The following DPP6 variants were observed in gnomAD, a reference collection of about 807,000 sequenced individuals.
DPP6 encodes the protein dipeptidyl peptidase like 6, also known as A-type potassium channel modulatory protein DPP6.
DPP6 carries 69 observed loss-of-function variants against 122.6 expected under a neutral mutation model. That is an observed-to-expected ratio of 0.56 (90% CI 0.46 to 0.69). The LOEUF is 0.69. DPP6 is among the 30% of genes least tolerant of loss of function. The probability of loss-of-function intolerance (pLI) is 0.00; values close to 1 mark genes in which losing one functional copy is unlikely to be tolerated. For synonymous variants in DPP6, 418 were observed against 433.1 expected (o/e 0.97, Z 0.43); for missense variants, 928 against 1,116.9 (o/e 0.83, Z 2.41).
At chr7:153,769,526 T>C in the DPP6 span, among the ~76,000 whole-genome samples, 4 of 152,150 alleles carry the variant, frequency 2.6e-5, no homozygotes, top group Non-Finnish European at 2.9e-5. Flanking sequence ...ATCCCTGTGA[T>C]AGGACCAAGT....
chr7:154,335,324 A>G (rs901033663), intron 1 of DPP6, among the ~76,000 whole-genome samples: 1 of 152,212 alleles, frequency 6.6e-6, no homozygotes, highest in African/African-American at 2.4e-5. Context: ...ACAAAACAAA[A>G]CAAAACAAAC....
chr7:154,089,813 G>A (rs1425151594), intron 1 of DPP6, among the ~76,000 whole-genome samples: 1 of 151,748 alleles, frequency 6.6e-6, no homozygotes, highest in African/African-American at 2.4e-5. Context: ...TACAGAGCGA[G>A]ACTTTAATCA....
At chr7:154,456,091 C>T (rs1052971772) in intron 2 of DPP6, among the ~76,000 whole-genome samples, 7 of 152,154 alleles carry the variant, frequency 4.6e-5, no homozygotes, top group African/African-American at 1.7e-4. Context: ...GGGTCAGGAA[C>T]ACAGAAAGCT....
chr7:154,264,809 G>A (rs1344581226), intron 1 of DPP6, among the ~76,000 whole-genome samples: 1 of 151,296 alleles, frequency 6.6e-6, no homozygotes, highest in Non-Finnish European at 1.5e-5. Flanking sequence ...GGTGATAATG[G>A]TGTTGATAAT....
intron 1 of DPP6, among the ~76,000 whole-genome samples, chr7:154,128,554 A>G (rs1168214985): frequency 6.6e-6 from 1 of 152,018 alleles, no homozygotes; most frequent in Non-Finnish European, 1.5e-5. Flanking sequence ...GGCGCCCGCC[A>G]CCGCGCCTGG....
chr7:154,070,680 C>T (rs529004237), intron 1 of DPP6, among the ~76,000 whole-genome samples: 168 of 152,240 alleles, frequency 1.1e-3, no homozygotes, highest in African/African-American at 3.4e-3. Flanking sequence ...TAAACAAAGA[C>T]GGCCCTCTGT....
intron 1 of DPP6, among the ~76,000 whole-genome samples, chr7:154,374,902 G>A (rs964470128): frequency 5.9e-5 from 9 of 152,280 alleles, no homozygotes; most frequent in East Asian, 1.9e-4. Context: ...GTGAGCCACC[G>A]CGCCCGGCCG....
chr7:154,131,689 G>A (rs568980460), intron 1 of DPP6, among the ~76,000 whole-genome samples: 58 of 152,384 alleles, frequency 3.8e-4, no homozygotes, highest in African/African-American at 1.3e-3. Flanking sequence ...AACTAACCTC[G>A]TCTGTAGGGA....
chr7:154,783,395 A>G (rs558774697), intron 10 of DPP6, among the ~76,000 whole-genome samples: 48 of 152,220 alleles, frequency 3.2e-4, no homozygotes, highest in African/African-American at 1.2e-3. Context: ...GGTGGTGCCA[A>G]TGATGTCCCT....
Position 154,136,450 on chromosome 7 carries a change from G to A in DPP6, c.243+83387G>A, listed in dbSNP as rs569534035. ...TTTGTAGTATGCAGTTTTTTACAGG[G>A]GAACCACAGAATCTTTATTCCAGAT... is the stretch of plus-strand genomic sequence containing the variant. On this transcript the variant is annotated intron_variant, in intron 1 of 25. Transcript: ENST00000377770. Among the ~76,000 whole-genome samples the A allele has an allele frequency of 1.4e-4, 22 of 152,252 alleles. No homozygotes were observed. The South Asian group carries it at 4.4e-3, about 30-fold the overall frequency.
chr7:154,021,987 C>T (rs1563107828), intron 1 of DPP6, among the ~76,000 whole-genome samples: 1 of 152,162 alleles, frequency 6.6e-6, no homozygotes, highest in Non-Finnish European at 1.5e-5. Flanking sequence ...CCAGAATTCG[C>T]TATCTCAGCT....
At chr7:154,213,152 C>G (rs1214482607) in intron 1 of DPP6, among the ~76,000 whole-genome samples, 2 of 152,104 alleles carry the variant, frequency 1.3e-5, no homozygotes, top group Non-Finnish European at 2.9e-5. Context: ...GCTCTTGGCA[C>G]CTGGGAGCAT....
At chr7:154,265,242 T>C (rs1389215288) in intron 1 of DPP6, among the ~76,000 whole-genome samples, 5 of 151,996 alleles carry the variant, frequency 3.3e-5, no homozygotes, top group African/African-American at 1.2e-4. Context: ...ACAGTGATGA[T>C]GTTGATGGTG....
At chr7:154,186,387 C>T (rs748440704) in intron 1 of DPP6, among the ~76,000 whole-genome samples, 11 of 152,214 alleles carry the variant, frequency 7.2e-5, no homozygotes, top group Non-Finnish European at 1.2e-4. Flanking sequence ...TTTTCTCTTT[C>T]ACAGATGAAA....
intron 1 of DPP6, among the ~76,000 whole-genome samples, chr7:154,412,583 C>G (rs1816696664): frequency 6.6e-6 from 1 of 152,114 alleles, no homozygotes; most frequent in Non-Finnish European, 1.5e-5. Flanking sequence ...TTTGGAGACA[C>G]AATTCTGTCC....
At chr7:154,804,651 A>G (rs1798579917) in intron 14 of DPP6, among the ~76,000 whole-genome samples, 1 of 152,194 alleles carries the variant, frequency 6.6e-6, no homozygotes, top group African/African-American at 2.4e-5. Context: ...GTCACCCCCA[A>G]CCACAGTACC....
At position 154,282,757 on chromosome 7, in the gene DPP6, A is replaced by G. The variant is rs569849527; in HGVS notation, c.244-163457A>G. On this transcript the variant is annotated intron_variant, in intron 1 of 25. Coordinates refer to ENST00000377770, the MANE Select transcript of DPP6 (RefSeq NM_130797.4). This position sits in a 1 kb window ranked among gnomAD's most constrained non-coding sequence, Gnocchi z 4.8. Reference sequence around the variant, plus strand: ...CAGTATAACAAACAAATTTAAAAAAAGTATGTATATTTGGGTAGATAAATA... The same window carrying G: ...CAGTATAACAAACAAATTTAAAAAAGGTATGTATATTTGGGTAGATAAATA... Among the ~76,000 whole-genome samples, 1 of 152,364 alleles carries G rather than the reference A, an allele frequency of 6.6e-6. No individual in the cohort carries two copies. The highest frequency in any genetic ancestry group is 1.9e-4 in the East Asian group (1 of 5,180).
At chr7:154,695,645 G>A (rs775844809) in intron 7 of DPP6, among the ~76,000 whole-genome samples, 1 of 152,088 alleles carries the variant, frequency 6.6e-6, no homozygotes, top group Non-Finnish European at 1.5e-5. Flanking sequence ...GGGCAGACTC[G>A]GGCTCTGCAG....
At chr7:154,631,916 G>T (rs909963292) in intron 5 of DPP6, among the ~76,000 whole-genome samples, 1 of 152,106 alleles carries the variant, frequency 6.6e-6, no homozygotes, top group African/African-American at 2.4e-5. Context: ...AACGTCAGCC[G>T]GATTCAATTT....
Sources: gnomAD v4.1 joint callset for allele counts (sites outside exome capture counted in the v4.1 genomes callset) on GRCh38, gnomAD v4.1.1 for gene constraint, Gnocchi (gnomAD v3.1) non-coding constraint, MANE v1.5 for transcripts, NCBI Gene and HGNC (gene_info 2026-07-23, HGNC 2026-07-21) for gene names.